Variants in ADAM18 observed in about 807,000 individuals in gnomAD.
The protein encoded by ADAM18 is disintegrin and metalloproteinase domain-containing protein 18.
ADAM18 carries 117 observed loss-of-function variants against 94.4 expected under a neutral mutation model. The observed-to-expected ratio is 1.24, with a 90% CI of 1.07 to 1.45. ADAM18 has a LOEUF of 1.45. Among genes scored for constraint, ADAM18 ranks in the 40% most tolerant of loss-of-function variants. The pLI is 0.00. For synonymous variants in ADAM18, 327 were observed against 291.6 expected, an observed-to-expected ratio of 1.12 and a Z score of -1.24; for missense variants, 936 against 880.0, an observed-to-expected ratio of 1.06 and a Z score of -0.81.
intron 6 of ADAM18, among the ~76,000 whole-genome samples, chr8:39,618,985 A>G (rs1402269400): frequency 1.3e-5 from 2 of 152,162 alleles, no homozygotes; most frequent in Non-Finnish European, 2.9e-5. Context: ...TTATCGAGCA[A>G]TAGTTTCAGG....
intron 15 of ADAM18, among the ~76,000 whole-genome samples, chr8:39,678,427 G>A (rs1345090670): frequency 6.6e-6 from 1 of 152,166 alleles, no homozygotes; most frequent in African/African-American, 2.4e-5. Context: ...TGGAGAGGAT[G>A]CAGAACTTCC....
chr8:39,610,465 T>C, intron 5 of ADAM18, 64 bp from the exon 6 acceptor site: 2 of 1,461,036 alleles, frequency 1.4e-6, no homozygotes, highest in Non-Finnish European at 1.8e-6. Context: ...TTTCAGATTA[T>C]CATTTTGAAG....
intron 19 of ADAM18, among the ~76,000 whole-genome samples, chr8:39,728,314 A>C (rs1822979228): frequency 6.6e-6 from 1 of 152,194 alleles, no homozygotes. Context: ...AAGAAAATTA[A>C]GAAATTTAAA....
At chr8:39,669,947 C>T (rs913049371) in intron 14 of ADAM18, among the ~76,000 whole-genome samples, 6 of 152,190 alleles carry the variant, frequency 3.9e-5, no homozygotes, top group Non-Finnish European at 5.9e-5. Flanking sequence ...TAAAAGTGTT[C>T]CTATTTCTCC....
intron 2 of ADAM18, among the ~76,000 whole-genome samples, chr8:39,596,509 A>G (rs983738067): frequency 3.3e-5 from 5 of 152,194 alleles, no homozygotes; most frequent in African/African-American, 2.4e-5. Context: ...ATGGTTTGAT[A>G]GTTCATTTCT....
intron 12 of ADAM18, 105 bp downstream of exon 12, chr8:39,648,632 A>G: frequency 9.8e-7 from 1 of 1,017,972 alleles, no homozygotes; most frequent in Non-Finnish European, 1.4e-6. Context: ...CAATGCCATT[A>G]ATTTATAACT....
chr8:39,585,235 TGCAAAACAAAGAC>T (rs772220455), intron 1 of ADAM18, 28 bp from the exon 2 acceptor site: 15 of 1,536,286 alleles, frequency 9.8e-6, no homozygotes, highest in Non-Finnish European at 1.3e-5. Context: ...CGATTGTTGA[TGCAAAACAAAGAC>T]AAAAACAAAC....
chr8:39,585,379 T>C (rs752701986), intron 2 of ADAM18, 27 bp downstream of exon 2: 10 of 1,546,502 alleles, frequency 6.5e-6, no homozygotes, highest in Non-Finnish European at 8.9e-6. Context: ...ATTTATTCTA[T>C]ATTTAAAGCT....
intron 11 of ADAM18, among the ~76,000 whole-genome samples, 196 bp downstream of exon 11, chr8:39,645,670 C>T (rs966020824): frequency 6.6e-6 from 1 of 152,100 alleles, no homozygotes; most frequent in Non-Finnish European, 1.5e-5. Flanking sequence ...TGTCTGTGCA[C>T]ACACATACAC....
intron 10 of ADAM18, among the ~76,000 whole-genome samples, chr8:39,642,688 ACCATGATGTCT>A (rs1563287888): frequency 6.6e-6 from 1 of 151,712 alleles, no homozygotes; most frequent in East Asian, 1.9e-4. Context: ...TCAGGTAGCA[ACCATGATGTCT>A]CCAGCTTTGT....
At chr8:39,707,884 A>G (rs1301219777) in intron 18 of ADAM18, among the ~76,000 whole-genome samples, 1 of 152,160 alleles carries the variant, frequency 6.6e-6, no homozygotes, top group Non-Finnish European at 1.5e-5. Flanking sequence ...TCTCTTTGGC[A>G]TATACAAATT....
At position 39,634,364 on chromosome 8, in the gene ADAM18, G is replaced by T. The variant is rs114500287; in HGVS notation, c.589-2900G>T. Among the ~76,000 whole-genome samples the T allele has an allele frequency of 5.8e-3, 889 of 152,248 alleles. 9 individuals carry two copies. The highest frequency in any genetic ancestry group is 0.02 in the African/African-American group (847 of 41,552). On this transcript the variant is annotated intron_variant, in intron 7 of 19. Coordinates refer to ENST00000265707, the MANE Select transcript of ADAM18 (RefSeq NM_014237.3). ...TGCCCAGTGGAGACATAGGTGCTGG[G>T]CCACCCACAACACCCCAGAACTATA...
chr8:39,638,942 T>C (rs1419331659), intron 10 of ADAM18, among the ~76,000 whole-genome samples: 1 of 151,916 alleles, frequency 6.6e-6, no homozygotes, highest in Non-Finnish European at 1.5e-5. Flanking sequence ...TTAATAAATA[T>C]ATGAATGCAT....
chr8:39,610,610 A>G lies in ADAM18; in HGVS notation c.426A>G (p.Gln142=). 6.2e-7 allele frequency: 1 copy of G among 1,612,920 alleles called. No homozygotes were observed. The highest frequency in any genetic ancestry group is 8.5e-7 in the Non-Finnish European group (1 of 1,179,252). The change falls in exon 6 of 20, where the codon CAA becomes CAG. Residue 142 remains glutamine, a synonymous_variant. Coordinates refer to ENST00000265707, the MANE Select transcript of ADAM18 (RefSeq NM_014237.3). ...SSARFEHIIY[Q]MKNNDPNVSI... is the part of the protein sequence containing the mutation. The stretch of plus-strand genomic sequence containing the variant: ...CAAGATTTGAGCATATAATTTATCA[A>G]ATGAAAAATAATGATCCAAATGTAT...
chr8:39,637,044 T>TACATA lies in ADAM18; in HGVS notation c.589-219_589-218insCATAA, dbSNP rs1820096105. On this transcript the variant is annotated intron_variant, in intron 7 of 19. Coordinates refer to ENST00000265707, the MANE Select transcript of ADAM18 (RefSeq NM_014237.3). ...TTATATATATATATATATATATATATATATATATATATATATATATATGTA... is the reference window on the plus strand; with the variant it reads ...TTATATATATATATATATATATATATACATAATATATATATATATATATATATGTA... Among the ~76,000 whole-genome samples, 7 of 143,974 alleles carry TACATA rather than the reference T, an allele frequency of 4.9e-5. No homozygotes were observed. The East Asian group carries it at 1.5e-3, about 30-fold the overall frequency. 94.5% of individuals were successfully genotyped at this position (143,974 alleles called of 152,430 possible).
chr8:39,679,137 A>ACC (rs1821372023), intron 15 of ADAM18, among the ~76,000 whole-genome samples: 1 of 152,320 alleles, frequency 6.6e-6, no homozygotes, highest in Admixed American at 6.5e-5. Context: ...TCTCATTTCA[A>ACC]TCTTTACTTC....
At chr8:39,589,914 T>G (rs1360711672) in intron 2 of ADAM18, among the ~76,000 whole-genome samples, 1 of 150,580 alleles carries the variant, frequency 6.6e-6, no homozygotes, top group African/African-American at 2.4e-5. Flanking sequence ...AGAATGGCAG[T>G]CATTAAAAAG....
chr8:39,679,651 G>A (rs896708413), intron 15 of ADAM18, among the ~76,000 whole-genome samples: 1 of 152,182 alleles, frequency 6.6e-6, no homozygotes, highest in African/African-American at 2.4e-5. Context: ...TGTGCAGAAA[G>A]AGAAATGCAA....
chr8:39,606,988 T>C (rs1247680103), intron 3 of ADAM18, among the ~76,000 whole-genome samples: 1 of 152,160 alleles, frequency 6.6e-6, no homozygotes, highest in East Asian at 1.9e-4. Flanking sequence ...TTGTGATTCT[T>C]CATTTGCTTC....
Sources: gnomAD v4.1 joint callset for allele counts (sites outside exome capture counted in the v4.1 genomes callset) on GRCh38, gnomAD v4.1.1 for gene constraint, MANE v1.5 for transcripts, NCBI Gene and HGNC (gene_info 2026-07-23, HGNC 2026-07-21) for gene names.